PRKG2: variants seen among roughly 807,000 people sequenced by gnomAD.
PRKG2 encodes the protein cGMP-dependent protein kinase 2.
Under a neutral mutation model 97.2 loss-of-function variants are expected in PRKG2, and 33 were observed. The observed-to-expected ratio is 0.34, with a 90% confidence interval of 0.26 to 0.45. The LOEUF (loss-of-function observed/expected upper bound fraction) is 0.45. Ranked by LOEUF, PRKG2 falls within the 20% of genes least tolerant of loss-of-function variation. The pLI, the probability that PRKG2 is intolerant of heterozygous loss-of-function variation, is 1.00. For missense variants in PRKG2, 638 were observed against 900.0 expected (o/e 0.71, Z 3.73); for synonymous variants, 330 against 321.8 (o/e 1.03, Z -0.27).
chr4:81,200,830 T>G (rs1447871382), intron 2 of PRKG2, among the ~76,000 whole-genome samples: 1 of 152,154 alleles, frequency 6.6e-6, no homozygotes, highest in African/African-American at 2.4e-5. Context: ...ATCATGAAAT[T>G]TATAATACTT....
intron 4 of PRKG2, among the ~76,000 whole-genome samples, chr4:81,170,112 CA>C (rs1221964766): frequency 1.3e-5 from 2 of 152,028 alleles, no homozygotes; most frequent in East Asian, 1.9e-4. Flanking sequence ...GAAAGGCAGT[CA>C]ATTTGTAGCT....
At chr4:81,166,154 TG>T (rs1352534583) in intron 6 of PRKG2, among the ~76,000 whole-genome samples, 2 of 152,138 alleles carry the variant, frequency 1.3e-5, no homozygotes, top group Non-Finnish European at 2.9e-5. Flanking sequence ...AACTGCTGGA[TG>T]GGTTGCATGA....
chr4:81,108,315 C>G (rs549886815), intron 15 of PRKG2, among the ~76,000 whole-genome samples: 31 of 152,236 alleles, frequency 2.0e-4, no homozygotes, highest in African/African-American at 6.5e-4. Context: ...ATTAGTCACA[C>G]TGGAGACCTT....
chr4:81,211,702 C>A (rs1753981587), intron 1 of PRKG2, among the ~76,000 whole-genome samples: 1 of 152,016 alleles, frequency 6.6e-6, no homozygotes, highest in African/African-American at 2.4e-5. Flanking sequence ...AGTCCCAACA[C>A]TATTTAATGA....
At position 81,095,841 on chromosome 4, in the gene PRKG2, G is replaced by T. The variant is rs72663803; in HGVS notation, c.2127-3389C>A. 6.4e-3 allele frequency among the ~76,000 whole-genome samples: 982 copies of T among 152,296 alleles called. 4 individuals carry two copies. Among genetic ancestry groups the T allele is most frequent in the Admixed American group, 0.018 (277 of 15,286 alleles). ...ATACCTTGGAGATATTGAAGGTTCA[G>T]ATCCAAACCACTGTAATAAGGCAAG... On this transcript the variant is annotated intron_variant, in intron 17 of 18. Coordinates refer to ENST00000264399, the MANE Select transcript of PRKG2 (RefSeq NM_006259.3).
intron 14 of PRKG2, among the ~76,000 whole-genome samples, chr4:81,128,447 A>T (rs1237138985): frequency 2.6e-5 from 4 of 152,164 alleles, no homozygotes; most frequent in African/African-American, 9.7e-5. Context: ...TTCGGCTGTG[A>T]ATCCATCTGG....
chr4:81,089,922 C>A, intron 18 of PRKG2, 119 bp from the exon 19 acceptor site: 1 of 775,062 alleles, frequency 1.3e-6, no homozygotes, highest in Admixed American at 2.7e-5. Flanking sequence ...TTGGAAGTTA[C>A]ATACAAGAAA....
intron 5 of PRKG2, 82 bp from the exon 6 acceptor site, chr4:81,167,306 C>A: frequency 1.1e-6 from 1 of 872,390 alleles, no homozygotes; most frequent in Non-Finnish European, 1.7e-6. Context: ...AAAATCTTTA[C>A]ATACATTTTA....
intron 2 of PRKG2, among the ~76,000 whole-genome samples, chr4:81,183,243 G>A (rs1751575135): frequency 6.6e-6 from 1 of 152,172 alleles, no homozygotes; most frequent in African/African-American, 2.4e-5. Flanking sequence ...AGCTTCCAGC[G>A]AGATCAATGC....
chr4:81,167,076 CT>C, intron 6 of PRKG2, 84 bp downstream of exon 6: 1 of 1,011,326 alleles, frequency 9.9e-7, no homozygotes, highest in Non-Finnish European at 1.4e-6. Flanking sequence ...GCTCTGACAT[CT>C]TTTTATTTAT....
intron 2 of PRKG2, among the ~76,000 whole-genome samples, chr4:81,185,523 A>T (rs965932392): frequency 4.6e-5 from 7 of 152,242 alleles, no homozygotes; most frequent in African/African-American, 1.7e-4. Flanking sequence ...CTGCAAAAAC[A>T]TACCAAATTG....
intron 14 of PRKG2, among the ~76,000 whole-genome samples, chr4:81,133,220 T>G (rs1746345955): frequency 6.6e-6 from 1 of 152,182 alleles, no homozygotes; most frequent in African/African-American, 2.4e-5. Flanking sequence ...AGGGATAGGT[T>G]TCTATTCCTC....
intron 15 of PRKG2, among the ~76,000 whole-genome samples, chr4:81,106,787 C>T (rs1743388930): frequency 6.6e-6 from 1 of 152,056 alleles, no homozygotes; most frequent in Admixed American, 6.6e-5. Context: ...AGGGTGAAGC[C>T]CTCATGAATG....
In PRKG2 at chr4:81,204,960, C is replaced by A. The variant is rs771410076; in HGVS notation, c.88G>T (p.Val30Leu). ...CTCAACTCTCTCTCCAGCTCTGTCA[C>A]CTTGTTCCGCAGAGCATCAGTGGTG... Reference protein sequence around the residue: ...NLTTDALRNKVTELERELRRK... With the variant: ...NLTTDALRNKLTELERELRRK... The change falls in exon 2 of 19, where the codon GTG becomes TTG. Residue 30 changes from valine (V) to leucine (L), a missense_variant. By Grantham distance (32) the Val-to-Leu change is conservative (BLOSUM62 1). Coordinates refer to ENST00000264399, the MANE Select transcript of PRKG2 (RefSeq NM_006259.3). 1.2e-6 allele frequency: 2 copies of A among 1,614,146 alleles called. No homozygotes were observed. The highest frequency in any genetic ancestry group is 1.7e-5 in the Admixed American group (1 of 60,020).
chr4:81,089,056 A>G lies in PRKG2; in HGVS notation c.*652T>C, dbSNP rs1357868396. On this transcript the variant is annotated 3_prime_UTR_variant, in exon 19 of 19. Coordinates refer to ENST00000264399, the MANE Select transcript of PRKG2 (RefSeq NM_006259.3). Reference sequence around the variant, plus strand: ...TTTACTTTTTTTTCTAAGTTCCCCAATAGAAAATAATTACCTGACTGGATT... The same window carrying G: ...TTTACTTTTTTTTCTAAGTTCCCCAGTAGAAAATAATTACCTGACTGGATT... 6.6e-6 allele frequency: 1 copy of G among 152,202 alleles called. No homozygotes were observed. The highest frequency in any genetic ancestry group is 1.9e-4 in the East Asian group (1 of 5,190). The allele number at this position is 152,202 out of a possible 1,614,324, so 9.4% of individuals were successfully genotyped here.
chr4:81,110,750 A>ACACAAAG, intron 14 of PRKG2, 139 bp from the exon 15 acceptor site: 2 of 358,504 alleles, frequency 5.6e-6, no homozygotes, highest in African/African-American at 3.3e-5. Context: ...CACACACACA[A>ACACAAAG]AGAGAGAGAG....
intron 2 of PRKG2, among the ~76,000 whole-genome samples, chr4:81,186,943 A>G (rs576153388): frequency 1.3e-5 from 2 of 152,308 alleles, no homozygotes; most frequent in East Asian, 3.9e-4. Flanking sequence ...CAAATGCCTC[A>G]ACAGACCAAT....
At chr4:81,158,700 C>T (rs1442472825) in intron 6 of PRKG2, among the ~76,000 whole-genome samples, 2 of 152,136 alleles carry the variant, frequency 1.3e-5, no homozygotes, top group Non-Finnish European at 2.9e-5. Flanking sequence ...TCAAACTATA[C>T]TACAAGGCTA....
intron 4 of PRKG2, among the ~76,000 whole-genome samples, chr4:81,170,958 A>G (rs1178346675): frequency 6.6e-6 from 1 of 152,154 alleles, no homozygotes; most frequent in Non-Finnish European, 1.5e-5. Context: ...AGTCAGCTTA[A>G]AGCCATTGTT....
Sources: gnomAD v4.1 joint callset for allele counts (sites outside exome capture counted in the v4.1 genomes callset) on GRCh38, gnomAD v4.1.1 for gene constraint, MANE v1.5 for transcripts, NCBI Gene and HGNC (gene_info 2026-07-23, HGNC 2026-07-21) for gene names.